Variants in OSBP observed in about 807,000 individuals in gnomAD.
The protein encoded by OSBP is oxysterol binding protein, also known as oxysterol-binding protein 1.
In OSBP, 32 loss-of-function variants were observed where a neutral mutation model predicts 96.6. The ratio of observed to expected loss-of-function variants is 0.33; its 90% CI spans 0.25 to 0.45. The LOEUF (loss-of-function observed/expected upper bound fraction) is 0.45. Among genes scored for constraint, OSBP ranks in the 20% least tolerant of loss-of-function variants. The pLI, the probability that OSBP is intolerant of heterozygous loss-of-function variation, is 1.00. For missense variants in OSBP, 653 were observed against 1,029.7 expected, an observed-to-expected ratio of 0.63 and a Z score of 5.01; for synonymous variants, 369 against 389.6, an observed-to-expected ratio of 0.95 and a Z score of 0.62.
chr11:59,613,134 CAGT>C (rs1346375499), intron 1 of OSBP, among the ~76,000 whole-genome samples: 1 of 152,100 alleles, frequency 6.6e-6, no homozygotes, highest in Non-Finnish European at 1.5e-5. Context: ...AATAAACTGC[CAGT>C]ATACTTGATA....
At chr11:59,612,317 C>G (rs1475339644) in intron 1 of OSBP, among the ~76,000 whole-genome samples, 1 of 152,194 alleles carries the variant, frequency 6.6e-6, no homozygotes, top group African/African-American at 2.4e-5. Context: ...CTCCCCACCC[C>G]CAAGCTTCAG....
chr11:59,581,380 A>G, intron 10 of OSBP, 71 bp downstream of exon 10: 1 of 851,954 alleles, frequency 1.2e-6, no homozygotes, highest in Non-Finnish European at 1.9e-6. Context: ...CACATGTCCT[A>G]AATACTGCAG....
intron 7 of OSBP, among the ~76,000 whole-genome samples, chr11:59,599,466 T>G (rs1860693829): frequency 6.6e-6 from 1 of 152,228 alleles, no homozygotes; most frequent in Admixed American, 6.5e-5. Context: ...TTTGTTTCTT[T>G]AATAAATTGA....
intron 1 of OSBP, among the ~76,000 whole-genome samples, chr11:59,614,933 C>A (rs143720973): frequency 1.0e-3 from 154 of 152,332 alleles, no homozygotes; most frequent in Middle Eastern, 3.4e-3. Context: ...CGGGTTTGTT[C>A]TGCTGCATGT....
chr11:59,585,081 C>T (rs1032173169), intron 9 of OSBP, among the ~76,000 whole-genome samples: 2 of 151,758 alleles, frequency 1.3e-5, no homozygotes, highest in African/African-American at 4.8e-5. Flanking sequence ...TGAGGAGCGT[C>T]TCTGCCTGGC....
Position 59,615,346 on chromosome 11 carries a change from G to T in OSBP, c.319C>A (p.Arg107=), listed in dbSNP as rs769471240. The T allele has an allele frequency of 6.2e-7, 1 of 1,607,450 alleles. No homozygotes were observed. Among genetic ancestry groups the T allele is most frequent in the Non-Finnish European group, 8.5e-7 (1 of 1,176,246 alleles). The change falls in exon 1 of 14, where the codon CGG becomes AGG. Residue 107 remains arginine, a synonymous_variant. Coordinates refer to ENST00000263847, the MANE Select transcript of OSBP (RefSeq NM_002556.3). ...CCGTTGCTCAGCACGAACCATCGCC[G>T]CTGGTAGCCTTTGATATAATTGGTC... is the stretch of plus-strand genomic sequence containing the variant. The part of the protein sequence containing the change: ...KWTNYIKGYQ[R]RWFVLSNGLL...
intron 2 of OSBP, among the ~76,000 whole-genome samples, 165 bp downstream of exon 2, chr11:59,610,216 G>A (rs1427622077): frequency 6.6e-6 from 1 of 152,148 alleles, no homozygotes; most frequent in Non-Finnish European, 1.5e-5. Flanking sequence ...ATCAACCCTG[G>A]TTGAGAACCA....
At chr11:59,614,032 C>A (rs565508830) in intron 1 of OSBP, among the ~76,000 whole-genome samples, 1 of 152,190 alleles carries the variant, frequency 6.6e-6, no homozygotes, top group East Asian at 1.9e-4. Context: ...AGAGGATGGT[C>A]TCTGGAAAAA....
At chr11:59,584,794 C>G (rs1860473432) in intron 9 of OSBP, among the ~76,000 whole-genome samples, 3 of 151,796 alleles carry the variant, frequency 2.0e-5, no homozygotes, top group African/African-American at 7.3e-5. Flanking sequence ...TTAGCCAGGG[C>G]AATCAGGCAA....
chr11:59,587,924 T>C (rs963298105), intron 9 of OSBP, among the ~76,000 whole-genome samples: 3 of 152,224 alleles, frequency 2.0e-5, no homozygotes, highest in South Asian at 2.1e-4. Context: ...AGGGTATTTG[T>C]ACATCCATGT....
chr11:59,582,835 G>T (rs901011258), intron 9 of OSBP, among the ~76,000 whole-genome samples: 2 of 152,020 alleles, frequency 1.3e-5, no homozygotes, highest in African/African-American at 4.8e-5. Context: ...TATAAACTTG[G>T]GATAACACGT....
At chr11:59,578,397 T>C in intron 11 of OSBP, 67 bp from the exon 12 acceptor site, 2 of 1,467,786 alleles carry the variant, frequency 1.4e-6, no homozygotes, top group Non-Finnish European at 1.9e-6. Flanking sequence ...CTGACTATAC[T>C]GGAAGTCCTA....
At chr11:59,595,246 G>C (rs932454636) in intron 7 of OSBP, 2 of 152,418 alleles carry the variant, frequency 1.3e-5, no homozygotes, top group African/African-American at 4.8e-5. Context: ...AGTCCATAAA[G>C]CTTATTTAAT....
At chr11:59,584,285 T>C (rs1291780930) in intron 9 of OSBP, among the ~76,000 whole-genome samples, 1 of 152,108 alleles carries the variant, frequency 6.6e-6, no homozygotes, top group Non-Finnish European at 1.5e-5. Flanking sequence ...TACCATCTCA[T>C]TCTATGAGGC....
rs1860365541 is a variant in OSBP, at chr11:59,576,716, G to A, written c.2285C>T (p.Thr762Ile). 3 of 1,612,406 alleles carry A rather than the reference G, an allele frequency of 1.9e-6. No individual in the cohort carries two copies. Among genetic ancestry groups the A allele is most frequent in the Non-Finnish European group, 2.5e-6 (3 of 1,179,660 alleles). Reference sequence around the variant, plus strand: ...CAGTGCCTTATAGGGATCATATGGTGTGCCTAAAAGGAAAAGAGAGGAAAG... The same window carrying A: ...CAGTGCCTTATAGGGATCATATGGTATGCCTAAAAGGAAAAGAGAGGAAAG... ...AEAMKATEDG[T>I]PYDPYKALWF... The change falls in exon 14 of 14, where the codon ACA becomes ATA. Residue 762 changes from threonine to isoleucine, a missense_variant. By Grantham distance (89) the Thr-to-Ile change is moderately conservative. Transcript: ENST00000263847.
intron 12 of OSBP, 49 bp from the exon 13 acceptor site, chr11:59,577,074 C>T: frequency 6.6e-7 from 1 of 1,512,118 alleles, no homozygotes; most frequent in Non-Finnish European, 9.0e-7. Flanking sequence ...GAGCCCAGAC[C>T]CTATTTAAAG....
chr11:59,600,207 A>G (rs1860704972), intron 7 of OSBP, among the ~76,000 whole-genome samples: 1 of 152,208 alleles, frequency 6.6e-6, no homozygotes, highest in Non-Finnish European at 1.5e-5. Flanking sequence ...TTGAAAACAG[A>G]AACTATGATG....
At chr11:59,578,003 A>G (rs1282874743) in intron 12 of OSBP, 146 bp downstream of exon 12, 1 of 706,906 alleles carries the variant, frequency 1.4e-6, no homozygotes, top group Admixed American at 2.8e-5. Flanking sequence ...TACAATGACA[A>G]CCTTCTGTTA....
intron 1 of OSBP, among the ~76,000 whole-genome samples, chr11:59,614,320 T>A (rs938992140): frequency 6.6e-6 from 1 of 152,198 alleles, no homozygotes; most frequent in African/African-American, 2.4e-5. Flanking sequence ...ATTTCCCAAC[T>A]CCTAGGGTTG....
Sources: gnomAD v4.1 joint callset for allele counts (sites outside exome capture counted in the v4.1 genomes callset) on GRCh38, gnomAD v4.1.1 for gene constraint, MANE v1.5 for transcripts, NCBI Gene and HGNC (gene_info 2026-07-23, HGNC 2026-07-21) for gene names.